The following ATXN2 variants were observed in gnomAD, a reference collection of about 807,000 sequenced individuals.
ATXN2 encodes the protein ataxin-2.
ATXN2 carries 37 observed loss-of-function variants against 138.6 expected under a neutral mutation model. That is an observed-to-expected ratio of 0.27 (90% confidence interval 0.21 to 0.35). ATXN2 has a LOEUF of 0.35. Among genes scored for constraint, ATXN2 ranks in the 10% least tolerant of loss-of-function variants. The probability of loss-of-function intolerance (pLI) is 1.00; values close to 1 mark genes in which losing one functional copy is unlikely to be tolerated. For synonymous variants in ATXN2, 549 were observed against 543.7 expected (o/e 1.01, Z -0.13); for missense variants, 1,216 against 1,480.3 (o/e 0.82, Z 2.93).
At chr12:111,515,118 T>G (rs1879778099) in intron 10 of ATXN2, among the ~76,000 whole-genome samples, 1 of 152,194 alleles carries the variant, frequency 6.6e-6, no homozygotes, top group Admixed American at 6.5e-5. Flanking sequence ...TGGAACTTGC[T>G]CTTCAAGGTT....
At chr12:111,599,350 A>C (rs1191902374), upstream of ATXN2, 3 of 284,340 alleles carry the variant, frequency 1.1e-5, no homozygotes, top group Non-Finnish European at 1.4e-5. Flanking sequence ...CGGGCGGGGG[A>C]GGGGCGGCGG....
chr12:111,555,113 A>G (rs1882320139), intron 2 of ATXN2, among the ~76,000 whole-genome samples: 1 of 152,202 alleles, frequency 6.6e-6, no homozygotes. Context: ...ACATTCCAAA[A>G]TTTAAGACCA....
intron 14 of ATXN2, among the ~76,000 whole-genome samples, chr12:111,498,414 T>G (rs1878562100): frequency 6.6e-6 from 1 of 152,186 alleles, no homozygotes; most frequent in Non-Finnish European, 1.5e-5. Context: ...ATCAGGAGCA[T>G]TTTTATATTT....
chr12:111,599,637 GT>G, upstream of ATXN2: 1 of 1,083,034 alleles, frequency 9.2e-7, no homozygotes, highest in Non-Finnish European at 1.1e-6. Context: ...GGAGGGACAC[GT>G]GAGGAGCGGG....
At chr12:111,599,455 G>A, upstream of ATXN2, 1 of 1,206,100 alleles carries the variant, frequency 8.3e-7, no homozygotes, top group Non-Finnish European at 1.0e-6. Flanking sequence ...TGGCTGCGGC[G>A]AAGCGGCGAG....
chr12:111,475,442 C>A (rs1333542314), intron 18 of ATXN2, among the ~76,000 whole-genome samples: 1 of 148,976 alleles, frequency 6.7e-6, no homozygotes, highest in Non-Finnish European at 1.5e-5. Flanking sequence ...TGACTTGGAC[C>A]CTAATTGGAA....
intron 1 of ATXN2, among the ~76,000 whole-genome samples, chr12:111,571,999 A>C (rs1024975948): frequency 1.4e-5 from 2 of 142,554 alleles, no homozygotes; most frequent in African/African-American, 5.3e-5. Context: ...GCAACACAGC[A>C]AGACTCTGTC....
intron 1 of ATXN2, among the ~76,000 whole-genome samples, chr12:111,585,156 C>A (rs945463398): frequency 6.6e-6 from 1 of 152,156 alleles, no homozygotes; most frequent in Non-Finnish European, 1.5e-5. Context: ...CATTAACTAA[C>A]TACACTGTGC....
At chr12:111,470,493 C>G (rs1031239001) in intron 19 of ATXN2, 65 bp downstream of exon 19, 3 of 1,559,458 alleles carry the variant, frequency 1.9e-6, no homozygotes, top group Non-Finnish European at 8.8e-7. Context: ...AGGAAAATCC[C>G]TTTACCATAT....
intron 1 of ATXN2, among the ~76,000 whole-genome samples, chr12:111,580,433 G>A (rs1189032275): frequency 6.6e-6 from 1 of 151,158 alleles, no homozygotes; most frequent in African/African-American, 2.4e-5. Context: ...AAGAATTCGA[G>A]GTTACACAGT....
chr12:111,549,868 C>T (rs1882028071), intron 5 of ATXN2, among the ~76,000 whole-genome samples: 1 of 152,104 alleles, frequency 6.6e-6, no homozygotes, highest in South Asian at 2.1e-4. Context: ...TCAAGACCAG[C>T]CTGGCCAACA....
intron 1 of ATXN2, among the ~76,000 whole-genome samples, chr12:111,597,535 T>C (rs1351218921): frequency 6.6e-6 from 1 of 152,160 alleles, no homozygotes; most frequent in Non-Finnish European, 1.5e-5. Context: ...CCGGCCACAA[T>C]GGAATGGAGT....
chr12:111,530,370 A>C (rs1287193867), intron 5 of ATXN2, among the ~76,000 whole-genome samples: 1 of 152,250 alleles, frequency 6.6e-6, no homozygotes, highest in Non-Finnish European at 1.5e-5. Context: ...AATACAATTA[A>C]AAACAAAGTT....
At chr12:111,509,467 A>G (rs896073616) in intron 14 of ATXN2, 82 bp downstream of exon 14, 5 of 815,280 alleles carry the variant, frequency 6.1e-6, no homozygotes, top group Non-Finnish European at 6.0e-6. Context: ...GACTGTATAC[A>G]TAACGCATTT....
At chr12:111,563,310 T>C (rs1178805695) in intron 1 of ATXN2, among the ~76,000 whole-genome samples, 1 of 152,158 alleles carries the variant, frequency 6.6e-6, no homozygotes, top group African/African-American at 2.4e-5. Context: ...TGTGTGTATA[T>C]ATATGTGTAT....
At chr12:111,519,204 T>C (rs1880022732) in intron 8 of ATXN2, among the ~76,000 whole-genome samples, 1 of 152,212 alleles carries the variant, frequency 6.6e-6, no homozygotes, top group South Asian at 2.1e-4. Flanking sequence ...CAGCCAGTCC[T>C]CAATGCCCCA....
chr12:111,540,787 C>T (rs1174205476), intron 5 of ATXN2, among the ~76,000 whole-genome samples: 1 of 148,108 alleles, frequency 6.8e-6, no homozygotes, highest in East Asian at 1.9e-4. Context: ...CTCCACTTCC[C>T]AAATTCAAGC....
rs1319661847 is a variant in ATXN2 at position 111,485,783 on chromosome 12, G to A, written c.2387C>T (p.Pro796Leu). Reference protein sequence around the residue: ...PSMVGHQQPTPVYTQPVCFAP... With the variant: ...PSMVGHQQPTLVYTQPVCFAP... ...AAAACAAACAGGCTGAGTATAAACT[G>A]GAGTTGGCTGTTGATGACCCACCAT... The change falls in exon 17 of 25, where the codon CCA becomes CTA. Residue 796 changes from proline (P) to leucine (L), a missense_variant. By Grantham distance (98) the Pro-to-Leu change is moderately conservative. This residue lies in a region of ATXN2 where 490 missense variants were observed against 653.5 expected (regional missense o/e 0.75). Transcript: ENST00000673436. The A allele has an allele frequency of 6.2e-7, 1 of 1,614,148 alleles. No homozygotes were observed. The highest frequency in any genetic ancestry group is 2.2e-5 in the East Asian group (1 of 44,880).
chr12:111,558,370 T>C (rs1362093646), intron 1 of ATXN2, among the ~76,000 whole-genome samples: 1 of 152,216 alleles, frequency 6.6e-6, no homozygotes, highest in Non-Finnish European at 1.5e-5. Flanking sequence ...GCCAAGAGCA[T>C]ATTTTAGACC....
Sources: gnomAD v4.1 joint callset for allele counts (sites outside exome capture counted in the v4.1 genomes callset) on GRCh38, gnomAD v4.1.1 for gene constraint, gnomAD v4.1.1 regional missense constraint, MANE v1.5 for transcripts, NCBI Gene and HGNC (gene_info 2026-07-23, HGNC 2026-07-21) for gene names.